The following IQSEC1 variants were observed in gnomAD, a reference collection of about 807,000 sequenced individuals.
IQSEC1 encodes IQ motif and Sec7 domain ArfGEF 1, also known as IQ motif and SEC7 domain-containing protein 1.
IQSEC1 carries 31 observed loss-of-function variants against 91.0 expected under a neutral mutation model. The observed-to-expected ratio is 0.34, with a 90% CI of 0.26 to 0.46. The LOEUF (loss-of-function observed/expected upper bound fraction) is 0.46. Ranked by LOEUF, IQSEC1 falls within the 20% of genes least tolerant of loss-of-function variation. The pLI, the probability that IQSEC1 is intolerant of heterozygous loss-of-function variation, is 1.00. For synonymous variants in IQSEC1, 699 were observed against 662.6 expected (o/e 1.05, Z -0.84); for missense variants, 1,388 against 1,575.6 (o/e 0.88, Z 2.02).
chr3:13,252,108 A>G (rs80126963), intron 1 of IQSEC1, among the ~76,000 whole-genome samples: 3,261 of 152,280 alleles, frequency 0.021, 88 homozygotes, highest in African/African-American at 0.073. Flanking sequence ...AAGTACATTC[A>G]TAGTGCTGTG....
intron 1 of IQSEC1, among the ~76,000 whole-genome samples, chr3:13,265,612 C>T (rs1045522377): frequency 5.9e-5 from 9 of 152,180 alleles, no homozygotes; most frequent in Non-Finnish European, 1.2e-4. Flanking sequence ...TACCAGGTTA[C>T]AGGCTTCTGC....
chr3:13,264,507 A>G (rs1287572467), intron 1 of IQSEC1, among the ~76,000 whole-genome samples: 1 of 152,156 alleles, frequency 6.6e-6, no homozygotes, highest in Non-Finnish European at 1.5e-5. Context: ...TACAAAATGT[A>G]GCATTTTCTG....
intron 1 of IQSEC1, among the ~76,000 whole-genome samples, chr3:13,061,941 G>A (rs1450772986): frequency 6.6e-6 from 1 of 152,172 alleles, no homozygotes; most frequent in Non-Finnish European, 1.5e-5. Context: ...GGATGGAGAT[G>A]GTTTCAGGAA....
intron 1 of IQSEC1, among the ~76,000 whole-genome samples, chr3:13,191,134 C>T (rs1694022531): frequency 6.6e-6 from 1 of 152,198 alleles, no homozygotes; most frequent in Non-Finnish European, 1.5e-5. Context: ...AGCCGTGGAT[C>T]CTCCCTCGAT....
At position 12,967,662 on chromosome 3, in the gene IQSEC1, A is replaced by C; in HGVS notation, c.24-25797T>G. The C allele has an allele frequency of 2.5e-6, 3 of 1,184,324 alleles. No homozygotes were observed. The highest frequency in any genetic ancestry group is 4.2e-5 in the South Asian group (1 of 23,848). The allele number at this position is 1,184,324 out of a possible 1,614,324, so 73.4% of individuals were successfully genotyped here. A position where few individuals can be genotyped will look rare whatever the true frequency, so the allele number is the denominator to read the frequency against. The stretch of plus-strand genomic sequence containing the variant: ...CCAAGTCCGAGCCCCAGGCCAGCCA[A>C]GCCCGCCCCTCCGCCGCCGCCCGCT... On this transcript the variant is annotated intron_variant, in intron 1 of 13. Transcript: ENST00000613206. This position sits in a 1 kb window ranked among gnomAD's most constrained non-coding sequence, Gnocchi z 5.9.
intron 1 of IQSEC1, among the ~76,000 whole-genome samples, chr3:13,037,355 C>A (rs7610014): frequency 2.0e-5 from 3 of 152,114 alleles, no homozygotes; most frequent in African/African-American, 4.8e-5. Context: ...TTACTGCATC[C>A]CTGTCTGTAA....
chr3:13,262,386 G>A (rs1201369534), intron 1 of IQSEC1, among the ~76,000 whole-genome samples: 1 of 152,228 alleles, frequency 6.6e-6, no homozygotes, highest in East Asian at 1.9e-4. Context: ...CACACTGGAG[G>A]GGCCTGGGGC....
At chr3:13,252,559 C>A (rs1302801793) in intron 1 of IQSEC1, among the ~76,000 whole-genome samples, 1 of 152,152 alleles carries the variant, frequency 6.6e-6, no homozygotes, top group African/African-American at 2.4e-5. Context: ...GGCATATGCC[C>A]ACAAGTGGGA....
chr3:12,936,011 T>C lies in IQSEC1; in HGVS notation c.1005A>G (p.Lys335=). 8 of 1,600,858 alleles carry C rather than the reference T, an allele frequency of 5.0e-6. No homozygotes were observed. Among genetic ancestry groups the C allele is most frequent in the Non-Finnish European group, 6.8e-6 (8 of 1,179,760 alleles). ...AAPDYWALAH[K]EDKADTDTSC... ...TCGTGTCCGTGTCAGCCTTGTCCTC[T>C]TTGTGGGCCAGGGCCCAGTAGTCTG... Residue 335 remains lysine (K), a synonymous_variant, in exon 3 of 14, where the codon AAA becomes AAG. Coordinates refer to ENST00000613206, the MANE Select transcript of IQSEC1 (RefSeq NM_001134382.3).
At chr3:12,990,610 G>C (rs920034125) in intron 1 of IQSEC1, among the ~76,000 whole-genome samples, 1 of 152,158 alleles carries the variant, frequency 6.6e-6, no homozygotes, top group Non-Finnish European at 1.5e-5. Flanking sequence ...GGATTTATTT[G>C]GGTCAGTCTG....
At chr3:13,036,783 G>A (rs1016470930) in intron 1 of IQSEC1, among the ~76,000 whole-genome samples, 6 of 152,246 alleles carry the variant, frequency 3.9e-5, no homozygotes, top group Non-Finnish European at 7.3e-5. Flanking sequence ...CTGTGTTTTA[G>A]AGATCCCTGG....
chr3:13,205,796 C>G (rs1694333169), intron 1 of IQSEC1, among the ~76,000 whole-genome samples: 1 of 150,482 alleles, frequency 6.6e-6, no homozygotes, highest in South Asian at 2.1e-4. Context: ...ATCCATCACT[C>G]TACCCACCCA....
At chr3:13,272,377 C>T (rs1013525714) in intron 1 of IQSEC1, among the ~76,000 whole-genome samples, 4 of 152,216 alleles carry the variant, frequency 2.6e-5, no homozygotes, top group African/African-American at 9.6e-5. Flanking sequence ...AGGTGAGAGA[C>T]ATTCATTCGT....
At chr3:13,026,868 T>G (rs1703636016) in intron 1 of IQSEC1, among the ~76,000 whole-genome samples, 1 of 119,374 alleles carries the variant, frequency 8.4e-6, no homozygotes, top group Non-Finnish European at 1.8e-5. Flanking sequence ...TCCCCAGTTT[T>G]TTTTTTTTTT....
At chr3:13,176,472 G>A (rs1267457421) in intron 1 of IQSEC1, among the ~76,000 whole-genome samples, 1 of 152,192 alleles carries the variant, frequency 6.6e-6, no homozygotes, top group Non-Finnish European at 1.5e-5. Flanking sequence ...CCCATTTTGT[G>A]ACAGCACAGA....
intron 1 of IQSEC1, among the ~76,000 whole-genome samples, chr3:13,227,393 A>AAAAAAAAAAAG (rs1055638536): frequency 4.3e-5 from 6 of 140,812 alleles, no homozygotes; most frequent in African/African-American, 8.9e-5. Context: ...AAAAAAAAAA[A>AAAAAAAAAAAG]AAAGAAAGAA....
At position 13,084,185 on chromosome 3, in the gene IQSEC1, G is replaced by A. The variant is rs537668743; in HGVS notation, c.303-36663C>T. Among the ~76,000 whole-genome samples the A allele has an allele frequency of 2.4e-3, 364 of 152,268 alleles. 1 individual carries two copies. The highest frequency in any genetic ancestry group is 8.5e-3 in the African/African-American group (355 of 41,548). On this transcript the variant is annotated intron_variant, in intron 2 of 15. Transcript: ENST00000648114. ...TGTGGGTTTTTCCAGCTCAGGTGGGGTTTTCAGAGGGCAGCTGCACCTGAC... is the reference window on the plus strand; with the variant it reads ...TGTGGGTTTTTCCAGCTCAGGTGGGATTTTCAGAGGGCAGCTGCACCTGAC...
intron 1 of IQSEC1, among the ~76,000 whole-genome samples, chr3:13,213,113 A>C (rs1694476964): frequency 6.6e-6 from 1 of 152,194 alleles, no homozygotes; most frequent in South Asian, 2.1e-4. Flanking sequence ...ATGTCTAAGA[A>C]TCCTTTGCCA....
At chr3:13,095,546 C>A (rs940435664) in intron 2 of IQSEC1, among the ~76,000 whole-genome samples, 1 of 152,138 alleles carries the variant, frequency 6.6e-6, no homozygotes, top group Non-Finnish European at 1.5e-5. Flanking sequence ...GCTTCCTGCT[C>A]AGTGATAATC....
Sources: allele counts gnomAD v4.1 joint callset (sites outside exome capture counted in the v4.1 genomes callset), GRCh38; gene constraint gnomAD v4.1.1; non-coding constraint Gnocchi (gnomAD v3.1); transcripts MANE v1.5; gene names NCBI Gene and HGNC (gene_info 2026-07-23, HGNC 2026-07-21).